Variants in BCAS3 observed in about 807,000 individuals in gnomAD.
BCAS3 encodes BCAS4/BCAS3 fusion.
A neutral mutation model predicts 116.1 loss-of-function variants in BCAS3; 53 were observed. The observed-to-expected ratio is 0.46, with a 90% CI of 0.37 to 0.57. BCAS3 has a LOEUF of 0.57. Among genes scored for constraint, BCAS3 ranks in the 20% least tolerant of loss-of-function variants. The pLI is 0.00. For missense variants in BCAS3, 917 were observed against 1,165.4 expected (o/e 0.79, Z 3.10); for synonymous variants, 391 against 408.2 (o/e 0.96, Z 0.51).
At chr17:61,154,346 C>G (rs1417870718) in intron 22 of BCAS3, among the ~76,000 whole-genome samples, 1 of 152,062 alleles carries the variant, frequency 6.6e-6, no homozygotes, top group African/African-American at 2.4e-5. Context: ...ACACAGTCAC[C>G]GTTTTTTGGA....
At chr17:60,745,084 T>G (rs2041918845) in intron 5 of BCAS3, among the ~76,000 whole-genome samples, 1 of 152,062 alleles carries the variant, frequency 6.6e-6, no homozygotes, top group Non-Finnish European at 1.5e-5. Flanking sequence ...TTCTTTAACA[T>G]AAAGGTTTTA....
intron 17 of BCAS3, among the ~76,000 whole-genome samples, chr17:61,035,444 G>A (rs1194385167): frequency 1.3e-5 from 2 of 151,884 alleles, no homozygotes; most frequent in African/African-American, 2.4e-5. Flanking sequence ...TTAGCTGGGC[G>A]TGGTGGTGCA....
chr17:60,950,003 T>C (rs1323515247), intron 14 of BCAS3, among the ~76,000 whole-genome samples: 2 of 152,192 alleles, frequency 1.3e-5, no homozygotes, highest in Non-Finnish European at 2.9e-5. Context: ...AAGGAGACTT[T>C]GGAGAGTATC....
intron 14 of BCAS3, among the ~76,000 whole-genome samples, chr17:60,978,101 A>G (rs2145383853): frequency 8.2e-6 from 1 of 121,438 alleles, no homozygotes; most frequent in Admixed American, 7.9e-5. Flanking sequence ...TGGTTGAACT[A>G]GTTTACAGTC....
At chr17:60,687,909 C>T (rs1016950461) in intron 3 of BCAS3, 1 of 152,108 alleles carries the variant, frequency 6.6e-6, no homozygotes, top group Non-Finnish European at 1.5e-5. Flanking sequence ...GCATATAAGC[C>T]TCATTTTGTA....
intron 5 of BCAS3, among the ~76,000 whole-genome samples, chr17:60,746,653 C>G (rs557094399): frequency 2.0e-5 from 3 of 151,978 alleles, no homozygotes; most frequent in Non-Finnish European, 4.4e-5. Context: ...TTTTTAGCAG[C>G]TTTTCCTTTT....
rs952530256 is a variant in BCAS3, at chr17:61,171,006, T to C, written c.2425+86442T>C. 6.6e-6 allele frequency among the ~76,000 whole-genome samples: 1 copy of C among 152,186 alleles called. No homozygotes were observed. The highest frequency in any genetic ancestry group is 1.5e-5 in the Non-Finnish European group (1 of 68,030). Reference sequence around the variant, plus strand: ...GTGATTTCTGTTCCCATTAGCCAGATTGGAAAATCTCATAATTTGCAGGTA... The same window carrying C: ...GTGATTTCTGTTCCCATTAGCCAGACTGGAAAATCTCATAATTTGCAGGTA... On this transcript the variant is annotated intron_variant, in intron 22 of 23. Transcript: ENST00000407086. The surrounding 1 kb of genome is among the most constrained non-coding windows in gnomAD (Gnocchi z 4.1).
At chr17:60,797,814 C>A (rs1420135274) in intron 6 of BCAS3, among the ~76,000 whole-genome samples, 1 of 152,024 alleles carries the variant, frequency 6.6e-6, no homozygotes, top group Admixed American at 6.6e-5. Flanking sequence ...TTCTTATTCA[C>A]AGAAAAATTA....
intron 13 of BCAS3, among the ~76,000 whole-genome samples, chr17:60,937,700 CTCT>C (rs1210666162): frequency 6.6e-5 from 10 of 152,244 alleles, no homozygotes; most frequent in South Asian, 4.1e-4. Context: ...CCATGAAATC[CTCT>C]TCTTTATCTC....
chr17:60,734,424 C>T (rs2040766374), intron 5 of BCAS3, among the ~76,000 whole-genome samples: 1 of 152,186 alleles, frequency 6.6e-6, no homozygotes, highest in South Asian at 2.1e-4. Flanking sequence ...ACCACTGTGC[C>T]CAGACTCCTA....
intron 8 of BCAS3, among the ~76,000 whole-genome samples, chr17:60,873,241 T>C (rs1025664421): frequency 6.6e-6 from 1 of 151,964 alleles, no homozygotes; most frequent in African/African-American, 2.4e-5. Context: ...TAGAGAAAAG[T>C]TTTTAACAGG....
rs772723503 is a variant in BCAS3 at position 60,924,495 on chromosome 17, C to T, written c.1082C>T (p.Thr361Ile). ...CCAGTGTGCTGCATGGCTTTTAATACAAGTGGTAAGTTCGCTCTCTGTCTT... is the reference window on the plus strand; with the variant it reads ...CCAGTGTGCTGCATGGCTTTTAATATAAGTGGTAAGTTCGCTCTCTGTCTT... ...EKPVCCMAFN[T>I]SGMLLVTTDT... Residue 361 changes from threonine (T) to isoleucine (I), a missense_variant, in exon 13 of 24, where the codon ACA becomes ATA. Coordinates refer to ENST00000407086, the MANE Select transcript of BCAS3 (RefSeq NM_017679.5). 5.4e-6 allele frequency: 8 copies of T among 1,484,708 alleles called. No individual in the cohort carries two copies. In the East Asian group the frequency reaches 1.9e-4, roughly 35 times the overall value. The allele number at this position is 1,484,708 out of a possible 1,614,324, so 92.0% of individuals were successfully genotyped here. A position where few individuals can be genotyped will look rare whatever the true frequency, so the allele number is the denominator to read the frequency against.
intron 6 of BCAS3, among the ~76,000 whole-genome samples, chr17:60,795,443 C>T (rs1489430331): frequency 3.9e-5 from 6 of 152,048 alleles, no homozygotes; most frequent in Admixed American, 3.9e-4. Flanking sequence ...GCTAGGACTT[C>T]CAGTACTATG....
At chr17:60,681,961 C>T (rs2033217336) in intron 2 of BCAS3, among the ~76,000 whole-genome samples, 1 of 151,780 alleles carries the variant, frequency 6.6e-6, no homozygotes, top group African/African-American at 2.4e-5. Flanking sequence ...AACTCCCAAC[C>T]TCAGGTGGTC....
chr17:60,900,609 A>G (rs1029821655), intron 10 of BCAS3, among the ~76,000 whole-genome samples: 1 of 152,180 alleles, frequency 6.6e-6, no homozygotes, highest in East Asian at 1.9e-4. Flanking sequence ...TGGTTCTTCT[A>G]AGTGGAAGAG....
chr17:60,835,102 A>C (rs1250618197), intron 7 of BCAS3, among the ~76,000 whole-genome samples: 2 of 151,994 alleles, frequency 1.3e-5, no homozygotes, highest in African/African-American at 4.8e-5. Context: ...TATCAGAAGA[A>C]AGCGATAAAA....
At chr17:61,341,630 A>G (rs2057160049) in intron 22 of BCAS3, among the ~76,000 whole-genome samples, 1 of 152,208 alleles carries the variant, frequency 6.6e-6, no homozygotes, top group Admixed American at 6.5e-5. Flanking sequence ...TTAGGAGGCC[A>G]GCAGTCCCTC....
intron 7 of BCAS3, among the ~76,000 whole-genome samples, chr17:60,808,972 A>G (rs1002102735): frequency 1.3e-5 from 2 of 152,148 alleles, no homozygotes; most frequent in African/African-American, 4.8e-5. Flanking sequence ...AAACTGAAAT[A>G]AATACATTTA....
At chr17:61,303,910 AAGAGTAGGCATATTGTT>A (rs1427070917) in intron 22 of BCAS3, among the ~76,000 whole-genome samples, 3 of 152,178 alleles carry the variant, frequency 2.0e-5, no homozygotes, top group Non-Finnish European at 2.9e-5. Flanking sequence ...GAGATAGATG[AAGAGTAGGCATATTGTT>A]CCTAGTCTAA....
Sources: gnomAD v4.1 joint callset for allele counts (sites outside exome capture counted in the v4.1 genomes callset) on GRCh38, gnomAD v4.1.1 for gene constraint, Gnocchi (gnomAD v3.1) non-coding constraint, MANE v1.5 for transcripts, NCBI Gene and HGNC (gene_info 2026-07-23, HGNC 2026-07-21) for gene names.